Variants in CSMD3 observed in about 807,000 individuals in gnomAD.
CSMD3 encodes CUB and sushi domain-containing protein 3.
CSMD3 carries 177 observed loss-of-function variants against 435.2 expected under a neutral mutation model. That is an observed-to-expected ratio of 0.41 (90% CI 0.36 to 0.46). The LOEUF (loss-of-function observed/expected upper bound fraction) is 0.46, where lower values mean the gene tolerates loss of function less well. CSMD3 is among the 20% of genes least tolerant of loss of function. CSMD3 has a pLI of 0.34. For missense variants in CSMD3, 4,265 were observed against 4,504.6 expected (o/e 0.95, Z 1.52); for synonymous variants, 1,656 against 1,520.5 (o/e 1.09, Z -2.07).
At chr8:112,818,929 CT>C (rs1199536311) in intron 12 of CSMD3, among the ~76,000 whole-genome samples, 2 of 152,054 alleles carry the variant, frequency 1.3e-5, no homozygotes, top group East Asian at 1.9e-4. Context: ...TGTTTTATTT[CT>C]TTTTTTTCTA....
chr8:113,323,204 T>A (rs966246927), intron 1 of CSMD3, among the ~76,000 whole-genome samples: 5 of 152,218 alleles, frequency 3.3e-5, no homozygotes, highest in Non-Finnish European at 5.9e-5. Flanking sequence ...CCCATAAGAA[T>A]GTAAGTTTCA....
rs372836417 is a variant in CSMD3 at position 112,791,567 on chromosome 8, T to C, written c.1972+8595A>G. On this transcript the variant is annotated intron_variant, in intron 13 of 70. Transcript: ENST00000297405. ...TCATGTTGCATGTGTTAAGAGTATT[T>C]TCTTTTTTATTGATGAGTAGTATTC... 1.2e-4 allele frequency among the ~76,000 whole-genome samples: 19 copies of C among 152,302 alleles called. No individual in the cohort carries two copies. In the East Asian group the frequency reaches 2.1e-3, roughly 17 times the overall value.
At chr8:112,612,935 G>A (rs891883842) in intron 22 of CSMD3, among the ~76,000 whole-genome samples, 10 of 151,470 alleles carry the variant, frequency 6.6e-5, no homozygotes, top group African/African-American at 1.7e-4. Flanking sequence ...GGAGTGCAGC[G>A]GGGAGGGGGA....
chr8:112,758,301 G>A (rs1563931969), intron 13 of CSMD3, among the ~76,000 whole-genome samples: 2 of 151,830 alleles, frequency 1.3e-5, no homozygotes, highest in Non-Finnish European at 2.9e-5. Flanking sequence ...GCAGTGAGCA[G>A]GGATCGCGCC....
At chr8:113,082,260 G>A (rs2089596201) in intron 5 of CSMD3, among the ~76,000 whole-genome samples, 1 of 152,160 alleles carries the variant, frequency 6.6e-6, no homozygotes, top group Non-Finnish European at 1.5e-5. Context: ...CACCCCCACT[G>A]CTGGTCCTGT....
intron 70 of CSMD3, among the ~76,000 whole-genome samples, chr8:112,226,882 TA>T (rs1812611358): frequency 6.6e-6 from 1 of 152,122 alleles, no homozygotes; most frequent in Admixed American, 6.5e-5. Context: ...ATGGCTTTAA[TA>T]AAAAACAAAA....
Position 112,319,028 on chromosome 8 carries a change from G to C in CSMD3, c.7247-78C>G, listed in dbSNP as rs193298931. 2.1e-5 allele frequency: 18 copies of C among 841,122 alleles called. No homozygotes were observed. The East Asian group carries it at 4.6e-4, about 21-fold the overall frequency. 52.1% of individuals were successfully genotyped at this position (841,122 alleles called of 1,614,324 possible). A position where few individuals can be genotyped will look rare whatever the true frequency, so the allele number is the denominator to read the frequency against. On this transcript the variant is annotated intron_variant, in intron 46 of 70. Coordinates refer to ENST00000297405, the MANE Select transcript of CSMD3 (RefSeq NM_198123.2). Reference sequence around the variant, plus strand: ...ATAAACAAATATTTCAATTGTAGGAGAATATTTTCTCCTTTAGTTATTTTC... The same window carrying C: ...ATAAACAAATATTTCAATTGTAGGACAATATTTTCTCCTTTAGTTATTTTC...
At chr8:112,670,459 A>G (rs977375137) in intron 16 of CSMD3, among the ~76,000 whole-genome samples, 1 of 152,186 alleles carries the variant, frequency 6.6e-6, no homozygotes, top group Non-Finnish European at 1.5e-5. Context: ...TTTCATGTAA[A>G]ATGGATTGCA....
chr8:112,957,536 C>G (rs988024879), intron 7 of CSMD3, among the ~76,000 whole-genome samples: 1 of 151,740 alleles, frequency 6.6e-6, no homozygotes, highest in Non-Finnish European at 1.5e-5. Context: ...TCACTGGAAC[C>G]TCCGTCCCCC....
chr8:112,409,072 C>T (rs1832105471), intron 32 of CSMD3, 40 bp from the exon 33 acceptor site: 4 of 1,612,274 alleles, frequency 2.5e-6, no homozygotes, highest in African/African-American at 1.3e-5. Context: ...AAATCACCAA[C>T]CATCCAAAAA....
rs1312485934 is a variant in CSMD3 at position 112,341,560 on chromosome 8, A to G, written c.6569T>C (p.Leu2190Ser). 4 of 1,613,266 alleles carry G rather than the reference A, an allele frequency of 2.5e-6. No homozygotes were observed. The highest frequency in any genetic ancestry group is 1.7e-5 in the Admixed American group (1 of 59,974). ...RLSGPQIPSSLFSTTHETSLY... is the reference protein window; with the variant it reads ...RLSGPQIPSSSFSTTHETSLY... ...GCTGGTTTCATGGGTGGTGCTGAATAAGGAAGATGGTATTTGAGGACCACT... is the reference window on the plus strand; with the variant it reads ...GCTGGTTTCATGGGTGGTGCTGAATGAGGAAGATGGTATTTGAGGACCACT... The change falls in exon 42 of 71, where the codon TTA becomes TCA. Residue 2190 changes from leucine (L) to serine (S), a missense_variant. Leu to Ser is a moderately radical substitution (Grantham distance 145). Coordinates refer to ENST00000297405, the MANE Select transcript of CSMD3 (RefSeq NM_198123.2).
At chr8:112,451,855 T>C (rs780341535) in intron 32 of CSMD3, among the ~76,000 whole-genome samples, 1 of 152,198 alleles carries the variant, frequency 6.6e-6, no homozygotes, top group Non-Finnish European at 1.5e-5. Flanking sequence ...TTTTTAAATG[T>C]AGATTTAATG....
At chr8:112,977,173 A>T (rs992124817) in intron 6 of CSMD3, among the ~76,000 whole-genome samples, 1 of 152,046 alleles carries the variant, frequency 6.6e-6, no homozygotes, top group East Asian at 1.9e-4. Flanking sequence ...GAATGGGGGT[A>T]TATTTAAAAG....
At chr8:113,380,231 A>G (rs1041196561) in intron 1 of CSMD3, among the ~76,000 whole-genome samples, 18 of 151,370 alleles carry the variant, frequency 1.2e-4, no homozygotes, top group African/African-American at 4.1e-4. Flanking sequence ...CTTTTGTTGA[A>G]AATTTTGCTT....
At chr8:112,301,707 T>A in intron 53 of CSMD3, 86 bp downstream of exon 53, 1 of 932,138 alleles carries the variant, frequency 1.1e-6, no homozygotes, top group Non-Finnish European at 1.8e-6. Flanking sequence ...TATAAATTAG[T>A]ATCTCATATT....
chr8:113,377,060 G>T, intron 1 of CSMD3: 1 of 1,304,228 alleles, frequency 7.7e-7, no homozygotes, highest in East Asian at 4.1e-5. Flanking sequence ...GGGGCGCGGG[G>T]CAAGAGCCTC....
chr8:112,609,455 C>T (rs1563764783), intron 22 of CSMD3, among the ~76,000 whole-genome samples: 1 of 151,820 alleles, frequency 6.6e-6, no homozygotes, highest in Admixed American at 6.6e-5. Flanking sequence ...AAATCAAAAC[C>T]ACAGTGAGAT....
chr8:113,365,604 A>T (rs1179952360), intron 1 of CSMD3, among the ~76,000 whole-genome samples: 1 of 152,096 alleles, frequency 6.6e-6, no homozygotes, highest in Admixed American at 6.6e-5. Context: ...TTAATTCAAT[A>T]TTTATAAATC....
intron 21 of CSMD3, among the ~76,000 whole-genome samples, chr8:112,638,240 C>A (rs982328059): frequency 3.4e-5 from 5 of 148,676 alleles, no homozygotes; most frequent in African/African-American, 4.9e-5. Flanking sequence ...TAATTAAGAT[C>A]ATTAATTCTG....
Sources: gnomAD v4.1 joint callset for allele counts (sites outside exome capture counted in the v4.1 genomes callset) on GRCh38, gnomAD v4.1.1 for gene constraint, MANE v1.5 for transcripts, NCBI Gene and HGNC (gene_info 2026-07-23, HGNC 2026-07-21) for gene names.